ANK3: variants seen among roughly 807,000 people sequenced by gnomAD.
The protein encoded by ANK3 is ankyrin-3.
A neutral mutation model predicts 370.9 loss-of-function variants in ANK3; 57 were observed. The ratio of observed to expected loss-of-function variants is 0.15; its 90% CI spans 0.12 to 0.19. The LOEUF (loss-of-function observed/expected upper bound fraction) is 0.19, where lower values mean the gene tolerates loss of function less well. Ranked by LOEUF, ANK3 falls within the 10% of genes least tolerant of loss-of-function variation. The pLI is 1.00. For synonymous variants in ANK3, 1,929 were observed against 1,946.3 expected (o/e 0.99, Z 0.23); for missense variants, 4,439 against 5,302.1 (o/e 0.84, Z 5.06).
At chr10:60,349,378 G>A (rs2132690231) in intron 1 of ANK3, among the ~76,000 whole-genome samples, 1 of 152,266 alleles carries the variant, frequency 6.6e-6, no homozygotes, top group East Asian at 1.9e-4. Context: ...ATTCAAAACT[G>A]AAGCAAATAG....
At chr10:60,546,281 G>A (rs148273763) in intron 2 of ANK3, among the ~76,000 whole-genome samples, 163 of 152,148 alleles carry the variant, frequency 1.1e-3, no homozygotes, top group Middle Eastern at 6.8e-3. Context: ...AGTGATTCTC[G>A]TGCCTCAGCC....
In ANK3 at chr10:60,605,999, C is replaced by A. The variant is rs1462830880; in HGVS notation, c.96+9187G>T. Among the ~76,000 whole-genome samples, 3 of 152,046 alleles carry A rather than the reference C, an allele frequency of 2.0e-5. No individual in the cohort carries two copies. In the East Asian group the frequency reaches 5.8e-4, roughly 29 times the overall value. On this transcript the variant is annotated intron_variant, in intron 2 of 43. Coordinates refer to the ANK3 transcript ENST00000373827. ...GCTTCAAATTATCAGTCGAAAGTGG[C>A]AAATTTTAATTTATTTCTGTCTATA...
At chr10:60,585,544 G>A (rs1398914626) in intron 2 of ANK3, among the ~76,000 whole-genome samples, 5 of 152,044 alleles carry the variant, frequency 3.3e-5, no homozygotes, top group East Asian at 3.8e-4. Flanking sequence ...TTAAGAATAC[G>A]CCCTTCTCCC....
intron 2 of ANK3, among the ~76,000 whole-genome samples, chr10:60,456,959 C>T (rs955613854): frequency 2.0e-5 from 3 of 152,100 alleles, no homozygotes; most frequent in Admixed American, 6.6e-5. Flanking sequence ...GTTGCCTGCC[C>T]GAGTCTTCAA....
chr10:60,555,446 CTGAG>C (rs1373612520), intron 2 of ANK3, among the ~76,000 whole-genome samples: 2 of 151,244 alleles, frequency 1.3e-5, no homozygotes, highest in Non-Finnish European at 1.5e-5. Flanking sequence ...GTATTGCAGC[CTGAG>C]TAACAGAGTG....
intron 2 of ANK3, among the ~76,000 whole-genome samples, chr10:60,416,226 C>G (rs1377669462): frequency 6.6e-6 from 1 of 151,982 alleles, no homozygotes; most frequent in Non-Finnish European, 1.5e-5. Flanking sequence ...ATTTATGATC[C>G]ACCTAGTTTG....
intron 42 of ANK3, among the ~76,000 whole-genome samples, chr10:60,051,784 C>CGT (rs1564628407): frequency 9.3e-6 from 1 of 107,724 alleles, no homozygotes; most frequent in African/African-American, 3.9e-5. Context: ...TTACTCTGTG[C>CGT]ATGTGTGTGT....
intron 1 of ANK3, among the ~76,000 whole-genome samples, chr10:60,708,035 G>A (rs927212768): frequency 6.6e-6 from 1 of 152,158 alleles, no homozygotes; most frequent in East Asian, 1.9e-4. Context: ...CCACTGCAAA[G>A]GACATGAACT....
intron 16 of ANK3, among the ~76,000 whole-genome samples, chr10:60,188,117 T>A (rs143594557): frequency 4.5e-4 from 69 of 152,362 alleles, no homozygotes; most frequent in Non-Finnish European, 7.3e-5. Flanking sequence ...TGCCTCACAA[T>A]AACTGCCATG....
chr10:60,312,709 TA>T (rs1013578181), intron 1 of ANK3, among the ~76,000 whole-genome samples: 3 of 152,198 alleles, frequency 2.0e-5, no homozygotes, highest in Admixed American at 6.5e-5. Flanking sequence ...TTATTAGGGT[TA>T]AAAAAAGCTA....
intron 23 of ANK3, among the ~76,000 whole-genome samples, chr10:60,143,574 T>A (rs551344541): frequency 6.7e-4 from 102 of 152,342 alleles, no homozygotes; most frequent in Admixed American, 2.6e-3. Context: ...TAAAGTTATT[T>A]GGTGCAGTGA....
At chr10:60,397,636 A>G (rs1309642575) in intron 2 of ANK3, among the ~76,000 whole-genome samples, 2 of 152,208 alleles carry the variant, frequency 1.3e-5, no homozygotes, top group Non-Finnish European at 2.9e-5. Context: ...TGAACTTGGC[A>G]AGTGTTAGCA....
chr10:60,701,937 A>G (rs996786754), intron 1 of ANK3, among the ~76,000 whole-genome samples: 1 of 152,184 alleles, frequency 6.6e-6, no homozygotes, highest in South Asian at 2.1e-4. Context: ...CATAATTATA[A>G]ATAAAACTTT....
At chr10:60,340,407 G>GT (rs1341139367) in intron 1 of ANK3, among the ~76,000 whole-genome samples, 1 of 151,770 alleles carries the variant, frequency 6.6e-6, no homozygotes, top group African/African-American at 2.4e-5. Context: ...GCTAATTTTT[G>GT]TTTTTTTCTT....
chr10:60,233,899 CTA>C (rs2097288731), intron 8 of ANK3, among the ~76,000 whole-genome samples: 1 of 152,164 alleles, frequency 6.6e-6, no homozygotes, highest in African/African-American at 2.4e-5. Flanking sequence ...CATCAAATAA[CTA>C]TTTCCTCTAC....
intron 32 of ANK3, chr10:60,083,825 T>A (rs1210699639): frequency 2.3e-6 from 1 of 435,116 alleles, no homozygotes; most frequent in Non-Finnish European, 4.0e-6. Flanking sequence ...CATGGACATA[T>A]ACAGAACAGA....
At chr10:60,227,849 C>G (rs190482723) in intron 8 of ANK3, among the ~76,000 whole-genome samples, 1 of 152,270 alleles carries the variant, frequency 6.6e-6, no homozygotes, top group Admixed American at 6.5e-5. Flanking sequence ...CAAATTTCAA[C>G]AGTGGAGTCA....
chr10:60,220,263 T>A (rs2097023664), intron 8 of ANK3, among the ~76,000 whole-genome samples: 1 of 152,082 alleles, frequency 6.6e-6, no homozygotes, highest in Non-Finnish European at 1.5e-5. Flanking sequence ...AAGTAAAAAA[T>A]GACAAAATAT....
intron 7 of ANK3, among the ~76,000 whole-genome samples, chr10:60,242,106 T>A (rs1022255918): frequency 2.0e-5 from 3 of 152,156 alleles, no homozygotes; most frequent in African/African-American, 7.2e-5. Flanking sequence ...TCCATGAGGA[T>A]CTCCTTCCAC....
Sources: allele counts gnomAD v4.1 joint callset (sites outside exome capture counted in the v4.1 genomes callset), GRCh38; gene constraint gnomAD v4.1.1; transcripts MANE v1.5; gene names NCBI Gene and HGNC (gene_info 2026-07-23, HGNC 2026-07-21).